Variants in PLEKHG1 observed in about 807,000 individuals in gnomAD.
The protein encoded by PLEKHG1 is pleckstrin homology and RhoGEF domain containing G1, also known as pleckstrin homology domain-containing family G member 1.
A neutral mutation model predicts 100.8 loss-of-function variants in PLEKHG1; 44 were observed. The observed-to-expected ratio is 0.44, with a 90% CI of 0.34 to 0.56. PLEKHG1 has a LOEUF of 0.56. PLEKHG1 is among the 20% of genes least tolerant of loss of function. The pLI, the probability that PLEKHG1 is intolerant of heterozygous loss-of-function variation, is 0.01. For missense variants in PLEKHG1, 1,545 were observed against 1,720.9 expected, an observed-to-expected ratio of 0.90 and a Z score of 1.81; for synonymous variants, 640 against 662.5, an observed-to-expected ratio of 0.97 and a Z score of 0.52.
chr6:150,612,043 G>GT (rs1321537997), intron 1 of PLEKHG1, among the ~76,000 whole-genome samples: 8 of 61,370 alleles, frequency 1.3e-4, no homozygotes, highest in East Asian at 4.7e-4. Flanking sequence ...TCCTGGTGTT[G>GT]TTCCCCCCCC....
At chr6:150,711,496 G>A (rs1416320478) in intron 3 of PLEKHG1, among the ~76,000 whole-genome samples, 2 of 152,180 alleles carry the variant, frequency 1.3e-5, no homozygotes, top group Non-Finnish European at 2.9e-5. Flanking sequence ...GGGTATGATC[G>A]ATGATTTGTG....
rs1214928577 is a variant in PLEKHG1, at chr6:150,669,593, C to CTT, written c.-99+18825_-99+18826dup. Among the ~76,000 whole-genome samples, 656 of 127,604 alleles carry CTT rather than the reference C, an allele frequency of 5.1e-3. 9 individuals are homozygous for CTT. Among genetic ancestry groups the CTT allele is most frequent in the Non-Finnish European group, 9.8e-3 (583 of 59,558 alleles). The allele number at this position is 127,604 out of a possible 152,430, so 83.7% of individuals were successfully genotyped here. A position where few individuals can be genotyped will look rare whatever the true frequency, so the allele number is the denominator to read the frequency against. On this transcript the variant is annotated intron_variant, in intron 3 of 3. Transcript: ENST00000367326. ...ATCCTATGCTGTGTAAAGAATTATTCTTTTTTTTTTTTTTTTTTTGAGATG... is the reference window on the plus strand; with the variant it reads ...ATCCTATGCTGTGTAAAGAATTATTCTTTTTTTTTTTTTTTTTTTTTGAGATG...
rs922914027 is a variant in PLEKHG1 at position 150,802,222 on chromosome 6, G to C, written c.780+1353G>C. Among the ~76,000 whole-genome samples, 77 of 152,212 alleles carry C rather than the reference G, an allele frequency of 5.1e-4. 1 individual carries two copies. The highest frequency in any genetic ancestry group is 1.7e-3 in the African/African-American group (71 of 41,552). ...GTAGCTCATCTTTGGAGAATCTTAT[G>C]TTCTATGAAGTCACATCAGGGATAT... On this transcript the variant is annotated intron_variant, in intron 6 of 15. Transcript: ENST00000358517.
upstream of PLEKHG1, among the ~76,000 whole-genome samples, chr6:150,719,460 A>G (rs1781573153): frequency 6.6e-6 from 1 of 152,194 alleles, no homozygotes; most frequent in African/African-American, 2.4e-5. Context: ...AGAATATCAA[A>G]TCTATGGTAT....
exon 16 of PLEKHG1, chr6:150,839,948 T>G (rs765834401): frequency 6.2e-7 from 1 of 1,614,082 alleles, no homozygotes; most frequent in South Asian, 1.1e-5. Flanking sequence ...TCCTGAGGTC[T>G]GTGTCACCTT....
intron 1 of PLEKHG1, among the ~76,000 whole-genome samples, chr6:150,729,264 G>T (rs1269330910): frequency 1.3e-5 from 2 of 152,100 alleles, no homozygotes; most frequent in Non-Finnish European, 2.9e-5. Context: ...GTTTTACTAG[G>T]TTGCCCAGGC....
At chr6:150,650,782 T>C (rs1464033733) in exon 3 of PLEKHG1, 1 of 152,256 alleles carries the variant, frequency 6.6e-6, no homozygotes, top group Non-Finnish European at 1.5e-5. Flanking sequence ...GTTTCAACTA[T>C]AAAAGTGAGC....
intron 6 of PLEKHG1, among the ~76,000 whole-genome samples, chr6:150,801,435 TTC>T (rs1263035075): frequency 3.0e-4 from 35 of 116,574 alleles, no homozygotes; most frequent in Admixed American, 2.9e-3. Flanking sequence ...TTCTTTTCTT[TTC>T]TTTTTTTTTT....
intron 1 of PLEKHG1, among the ~76,000 whole-genome samples, chr6:150,616,061 T>C (rs891836353): frequency 1.3e-5 from 2 of 152,242 alleles, no homozygotes; most frequent in African/African-American, 2.4e-5. Flanking sequence ...TCAATGGCAG[T>C]GTTGGGATCA....
At chr6:150,652,369 G>A (rs1582887451) in intron 3 of PLEKHG1, among the ~76,000 whole-genome samples, 1 of 152,146 alleles carries the variant, frequency 6.6e-6, no homozygotes, top group East Asian at 1.9e-4. Context: ...AGAGTGTTAG[G>A]AATAGATGAA....
intron 2 of PLEKHG1, among the ~76,000 whole-genome samples, chr6:150,762,892 TG>T (rs1784238834): frequency 6.6e-6 from 1 of 152,230 alleles, no homozygotes; most frequent in Admixed American, 6.5e-5. Context: ...TTCTTTCATT[TG>T]CAGTGTGTTC....
intron 15 of PLEKHG1, among the ~76,000 whole-genome samples, chr6:150,832,512 A>T (rs979579819): frequency 6.6e-6 from 1 of 152,126 alleles, no homozygotes; most frequent in Non-Finnish European, 1.5e-5. Context: ...AATCAGTTTT[A>T]ACCTGTGCTA....
At chr6:150,796,047 A>G (rs1786311533) in intron 5 of PLEKHG1, 145 bp downstream of exon 6, 1 of 550,042 alleles carries the variant, frequency 1.8e-6, no homozygotes, top group Admixed American at 2.6e-5. Context: ...TGCTGAGAAC[A>G]GATTACAGGG....
intron 6 of PLEKHG1, among the ~76,000 whole-genome samples, chr6:150,801,437 C>CTTTTT (rs35282307): frequency 1.0e-4 from 11 of 108,778 alleles, no homozygotes; most frequent in South Asian, 6.1e-4. Context: ...CTTTTCTTTT[C>CTTTTT]TTTTTTTTTT....
chr6:150,819,753 T>C (rs1320551107), exon 12 of PLEKHG1: 1 of 1,605,038 alleles, frequency 6.2e-7, no homozygotes, highest in East Asian at 2.2e-5. Flanking sequence ...TTCTGCTCCA[T>C]ATCGGCTGAG....
intron 4 of PLEKHG1, among the ~76,000 whole-genome samples, chr6:150,795,375 G>A (rs1050131142): frequency 2.1e-5 from 3 of 145,440 alleles, no homozygotes; most frequent in African/African-American, 5.2e-5. Flanking sequence ...CAGCCTAGGC[G>A]ACAGAGCGAG....
At chr6:150,779,060 C>G (rs1286324537) in intron 3 of PLEKHG1, among the ~76,000 whole-genome samples, 1 of 152,092 alleles carries the variant, frequency 6.6e-6, no homozygotes. Flanking sequence ...ATGACTGTGG[C>G]CATGCATTAT....
Position 150,817,554 on chromosome 6 carries a change from ATTT to A in PLEKHG1, c.1279-610_1279-608del, listed in dbSNP as rs774464059. On this transcript the variant is annotated intron_variant, in intron 10 of 15. Transcript: ENST00000358517. ...TCAGGGTTGGGTGGCAAGAATCTGC[ATTT>A]TTTTTTTTTTTTTTTTTTGAGACGG... is the stretch of plus-strand genomic sequence containing the variant. 3.5e-3 allele frequency among the ~76,000 whole-genome samples: 407 copies of A among 115,558 alleles called. 1 individual carries two copies. The highest frequency in any genetic ancestry group is 0.013 in the African/African-American group (363 of 28,126). 75.8% of individuals were successfully genotyped at this position (115,558 alleles called of 152,430 possible). A position where few individuals can be genotyped will look rare whatever the true frequency, so the allele number is the denominator to read the frequency against.
At chr6:150,839,989 T>C in exon 16 of PLEKHG1, 1 of 1,614,156 alleles carries the variant, frequency 6.2e-7, no homozygotes. Flanking sequence ...GGAGACTGGC[T>C]TCTGCATTCA....
Sources: gnomAD v4.1 joint callset for allele counts (sites outside exome capture counted in the v4.1 genomes callset) on GRCh38, gnomAD v4.1.1 for gene constraint, MANE v1.5 for transcripts, NCBI Gene and HGNC (gene_info 2026-07-23, HGNC 2026-07-21) for gene names.